CFAP263: variants seen among roughly 807,000 people sequenced by gnomAD.
The protein encoded by CFAP263 is cilia and flagella associated protein 263.
chr16:58,261,008 G>A, the CFAP263 span, among the ~76,000 whole-genome samples: 148 of 152,272 alleles, frequency 9.7e-4, 2 homozygotes, highest in South Asian at 0.02. Flanking sequence ...CCAGACCAAG[G>A]AAGGGGTAGC....
the CFAP263 span, chr16:58,253,868 A>G: frequency 1.1e-6 from 1 of 908,930 alleles, no homozygotes; most frequent in Non-Finnish European, 1.7e-6. Flanking sequence ...TCCTTTTACC[A>G]TGAATTTGTT....
the CFAP263 span, among the ~76,000 whole-genome samples, chr16:58,265,819 G>T: frequency 6.6e-6 from 1 of 152,158 alleles, no homozygotes; most frequent in Admixed American, 6.5e-5. Context: ...CACCAATTTC[G>T]CTCTCATCAG....
At chr16:58,253,906 C>G in the CFAP263 span, 10 of 1,402,296 alleles carry the variant, frequency 7.1e-6, no homozygotes, top group Non-Finnish European at 1.0e-5. Flanking sequence ...TGGGGAACTT[C>G]TAGCAGGTCA....
At chr16:58,264,067 G>A in the CFAP263 span, among the ~76,000 whole-genome samples, 2 of 152,196 alleles carry the variant, frequency 1.3e-5, no homozygotes, top group Non-Finnish European at 2.9e-5. Flanking sequence ...CCAGCATAAA[G>A]TACGTAGAAA....
the CFAP263 span, chr16:58,283,823 A>AC: frequency 6.6e-6 from 1 of 152,294 alleles, no homozygotes; most frequent in Non-Finnish European, 1.5e-5. Flanking sequence ...CAATAAAATG[A>AC]CTTTTAAAAA....
chr16:58,265,887 C>T, the CFAP263 span, among the ~76,000 whole-genome samples: 9 of 152,142 alleles, frequency 5.9e-5, no homozygotes, highest in Non-Finnish European at 8.8e-5. Flanking sequence ...GCTCTTGTAC[C>T]TGCATTCCTT....
the CFAP263 span, chr16:58,282,787 C>G: frequency 2.0e-5 from 3 of 152,224 alleles, no homozygotes; most frequent in African/African-American, 7.2e-5. Context: ...TTCATCAGTC[C>G]GATTCGCAGT....
At chr16:58,274,139 A>G in the CFAP263 span, among the ~76,000 whole-genome samples, 1 of 152,236 alleles carries the variant, frequency 6.6e-6, no homozygotes, top group Admixed American at 6.5e-5. Context: ...TTCTGATCCA[A>G]TTAAAGTCAG....
At chr16:58,274,520 T>C in the CFAP263 span, among the ~76,000 whole-genome samples, 1 of 152,238 alleles carries the variant, frequency 6.6e-6, no homozygotes, top group South Asian at 2.1e-4. Context: ...GATTGGATCA[T>C]GGGTGCAGTT....
the CFAP263 span, chr16:58,252,625 C>T: frequency 1.0e-6 from 1 of 983,796 alleles, no homozygotes; most frequent in Non-Finnish European, 1.5e-6. Flanking sequence ...ACTAAGGCAC[C>T]AAGGGGCTAA....
At chr16:58,272,642 C>T in the CFAP263 span, among the ~76,000 whole-genome samples, 1 of 152,128 alleles carries the variant, frequency 6.6e-6, no homozygotes, top group African/African-American at 2.4e-5. Context: ...TCATTGTTGA[C>T]CGAAATGTTT....
chr16:58,265,049 G>A, the CFAP263 span, among the ~76,000 whole-genome samples: 3 of 152,310 alleles, frequency 2.0e-5, no homozygotes, highest in African/African-American at 7.2e-5. Context: ...GCCTGCTGGA[G>A]TCTGGTAAAA....
chr16:58,280,605 C>G, the CFAP263 span: 1 of 1,614,158 alleles, frequency 6.2e-7, no homozygotes, highest in Non-Finnish European at 8.5e-7. Context: ...GGCCGGCCCT[C>G]TCAGCCTTGG....
the CFAP263 span, among the ~76,000 whole-genome samples, chr16:58,275,208 C>A: frequency 6.6e-6 from 1 of 151,920 alleles, no homozygotes; most frequent in South Asian, 2.1e-4. Flanking sequence ...AGGTGCAAAC[C>A]AATTACCTGG....
chr16:58,252,410 T>A, the CFAP263 span, among the ~76,000 whole-genome samples: 1 of 151,772 alleles, frequency 6.6e-6, no homozygotes, highest in East Asian at 1.9e-4. Flanking sequence ...CCCACATGGG[T>A]TCAATGATAC....
the CFAP263 span, chr16:58,283,627 GT>G: frequency 6.6e-6 from 1 of 152,146 alleles, no homozygotes; most frequent in Non-Finnish European, 1.5e-5. Context: ...TGACGGAATG[GT>G]TGACGGCAGA....
the CFAP263 span, chr16:58,249,985 G>C: frequency 6.1e-4 from 884 of 1,461,046 alleles, no homozygotes; most frequent in Non-Finnish European, 8.0e-4. Flanking sequence ...CTGGGCACAC[G>C]GCATTGGCAG....
chr16:58,278,101 T>C, the CFAP263 span, among the ~76,000 whole-genome samples: 1 of 152,086 alleles, frequency 6.6e-6, no homozygotes, highest in South Asian at 2.1e-4. Context: ...ATATATCTTA[T>C]AATTAAAAAA....
chr16:58,280,599 G>A, the CFAP263 span: 132 of 1,614,108 alleles, frequency 8.2e-5, 2 homozygotes, highest in South Asian at 9.8e-4. Context: ...GGGGAGGGCC[G>A]GCCCTCTCAG....
Sources: allele counts gnomAD v4.1 joint callset (sites outside exome capture counted in the v4.1 genomes callset), GRCh38; gene constraint gnomAD v4.1.1; transcripts MANE v1.5; gene names NCBI Gene and HGNC (gene_info 2026-07-23, HGNC 2026-07-21).